The following FXN variants were observed in gnomAD, a reference collection of about 807,000 sequenced individuals.
The protein encoded by FXN is frataxin, mitochondrial.
In FXN, 14 loss-of-function variants were observed where a neutral mutation model predicts 22.4. The ratio of observed to expected loss-of-function variants is 0.62; its 90% CI spans 0.41 to 0.98. FXN has a LOEUF of 0.98. Ranked by LOEUF, FXN falls within the 50% of genes least tolerant of loss-of-function variation. The pLI is 0.00. For missense variants in FXN, 267 were observed against 268.4 expected, an observed-to-expected ratio of 0.99 and a Z score of 0.04; for synonymous variants, 120 against 114.1, an observed-to-expected ratio of 1.05 and a Z score of -0.33.
chr9:69,067,505 G>A (rs1033099672), intron 4 of FXN, among the ~76,000 whole-genome samples: 1 of 152,208 alleles, frequency 6.6e-6, no homozygotes, highest in South Asian at 2.1e-4. Context: ...CCGGACAGTG[G>A]CTGCCGAGCA....
In FXN at chr9:69,072,746, C is replaced by A. The variant is rs1289276430; in HGVS notation, c.617C>A (p.Ser206Tyr). 6.2e-7 allele frequency: 1 copy of A among 1,614,146 alleles called. No homozygotes were observed. The highest frequency in any genetic ancestry group is 1.1e-5 in the South Asian group (1 of 91,078). ...TKLDLSSLAYSGKDA is the reference protein window; with the variant it reads ...TKLDLSSLAYYGKDA ...CTGGACTTGTCTTCCTTGGCCTATT[C>A]CGGAAAAGATGCTTGATGCCCAGCC... Residue 206 changes from serine (S) to tyrosine (Y), a missense_variant, in exon 5 of 5, where the codon TCC becomes TAC. Transcript: ENST00000484259.
At chr9:69,050,190 A>G (rs1831825565) in intron 2 of FXN, among the ~76,000 whole-genome samples, 1 of 152,204 alleles carries the variant, frequency 6.6e-6, no homozygotes, top group Non-Finnish European at 1.5e-5. Context: ...TATCACAATG[A>G]TGTTTGTGAG....
rs912868150 is a variant in FXN at position 69,076,329 on chromosome 9, C to T, written c.*3567C>T. 3.0e-6 allele frequency: 3 copies of T among 984,906 alleles called. No individual in the cohort carries two copies. In the African/African-American group the frequency reaches 5.3e-5, roughly 17 times the overall value. 61.0% of individuals were successfully genotyped at this position (984,906 alleles called of 1,614,324 possible). ...TACTCAGTTCATGACAACTGTTGTT[C>T]TCACATGCATAGCATAATTTCATAT... On this transcript the variant is annotated 3_prime_UTR_variant, in exon 5 of 5. Coordinates refer to ENST00000484259, the MANE Select transcript of FXN (RefSeq NM_000144.5).
intron 1 of FXN, among the ~76,000 whole-genome samples, chr9:69,041,355 C>T (rs1276619561): frequency 1.3e-5 from 2 of 152,194 alleles, no homozygotes; most frequent in Admixed American, 6.5e-5. Context: ...TATTTGTTCT[C>T]ACTGCTGGAT....
intron 1 of FXN, 130 bp downstream of exon 1, chr9:69,036,077 T>C (rs2133087651): frequency 1.3e-6 from 1 of 799,156 alleles, no homozygotes; most frequent in Non-Finnish European, 1.6e-6. Flanking sequence ...ACCCCGCTCC[T>C]TCTCAGGGCG....
intron 2 of FXN, among the ~76,000 whole-genome samples, chr9:69,052,868 C>T (rs1454074810): frequency 3.3e-5 from 5 of 151,276 alleles, no homozygotes; most frequent in South Asian, 2.1e-4. Flanking sequence ...GGGCCGGGCA[C>T]GGTGCCTTAC....
At chr9:69,039,508 G>C (rs985995318) in intron 1 of FXN, among the ~76,000 whole-genome samples, 6 of 127,010 alleles carry the variant, frequency 4.7e-5, no homozygotes, top group Admixed American at 1.6e-4. Flanking sequence ...ACAGCCCCCA[G>C]CCCCAGCCTT....
At chr9:69,066,386 T>G (rs1832166132) in intron 4 of FXN, among the ~76,000 whole-genome samples, 1 of 152,228 alleles carries the variant, frequency 6.6e-6, no homozygotes, top group Non-Finnish European at 1.5e-5. Context: ...ATAAATAGTG[T>G]GTTTCCTTTC....
In FXN at chr9:69,075,846, A is replaced by C. The variant is rs1832356522; in HGVS notation, c.*3084A>C. On this transcript the variant is annotated 3_prime_UTR_variant, in exon 5 of 5. Coordinates refer to ENST00000484259, the MANE Select transcript of FXN (RefSeq NM_000144.5). ...CCCTGGGCTTGGGCAATCCTCCCAC[A>C]GGTGTGCACCTCCATAGCTGGCTAA... is the stretch of plus-strand genomic sequence containing the variant. 3.7e-6 allele frequency: 2 copies of C among 544,458 alleles called. No homozygotes were observed. Among genetic ancestry groups the C allele is most frequent in the African/African-American group, 4.1e-5 (2 of 48,346 alleles). The allele number at this position is 544,458 out of a possible 1,614,324, so 33.7% of individuals were successfully genotyped here.
At chr9:69,041,605 G>T (rs536688051) in intron 1 of FXN, among the ~76,000 whole-genome samples, 1 of 152,204 alleles carries the variant, frequency 6.6e-6, no homozygotes, top group Non-Finnish European at 1.5e-5. Context: ...CCCCTGCGAG[G>T]TATGGGTCCT....
Position 69,077,222 on chromosome 9 carries a change from T to G in FXN, c.*4460T>G, listed in dbSNP as rs1832387433. The G allele has an allele frequency of 1.0e-6, 1 of 985,296 alleles. No individual in the cohort carries two copies. The highest frequency in any genetic ancestry group is 1.2e-6 in the Non-Finnish European group (1 of 829,836). The allele number at this position is 985,296 out of a possible 1,614,324, so 61.0% of individuals were successfully genotyped here. On this transcript the variant is annotated 3_prime_UTR_variant, in exon 5 of 5. Coordinates refer to ENST00000484259, the MANE Select transcript of FXN (RefSeq NM_000144.5). ...CCACTGCACCCAGCCAGAAATGCCT[T>G]CTAATCTTTGGTTTATCTTAATTAG... is the stretch of plus-strand genomic sequence containing the variant.
At position 69,077,797 on chromosome 9, in the gene FXN, G is replaced by C. The variant is rs1263078482; in HGVS notation, c.*5035G>C. ...ATACAAAAATTAGCTGGCCGTAGTGGCGCACGCCTGTTATCCCAGCTACTC... is the reference window on the plus strand; with the variant it reads ...ATACAAAAATTAGCTGGCCGTAGTGCCGCACGCCTGTTATCCCAGCTACTC... On this transcript the variant is annotated 3_prime_UTR_variant, in exon 5 of 5. Coordinates refer to ENST00000484259, the MANE Select transcript of FXN (RefSeq NM_000144.5). 2 of 574,518 alleles carry C rather than the reference G, an allele frequency of 3.5e-6. No individual in the cohort carries two copies. The highest frequency in any genetic ancestry group is 4.4e-6 in the Non-Finnish European group (2 of 455,254). 35.6% of individuals were successfully genotyped at this position (574,518 alleles called of 1,614,324 possible). A position where few individuals can be genotyped will look rare whatever the true frequency, so the allele number is the denominator to read the frequency against.
At chr9:69,043,471 T>C (rs1204431732) in intron 1 of FXN, 1 of 152,190 alleles carries the variant, frequency 6.6e-6, no homozygotes, top group Non-Finnish European at 1.5e-5. Context: ...GCTGCTGGAG[T>C]GCAATGGTGT....
At position 69,035,817 on chromosome 9, in the gene FXN, T is replaced by C; in HGVS notation, c.35T>C (p.Leu12Pro). ...CTCGGGCGCCGCGCAGTAGCCGGCC[T>C]CCTGGCGTCACCCAGCCCAGCCCAG... ...WTLGRRAVAG[L>P]LASPSPAQAQ... The change falls in exon 1 of 5, where the codon CTC becomes CCC. Residue 12 changes from leucine (L) to proline (P), a missense_variant. Transcript: ENST00000484259. The C allele has an allele frequency of 6.6e-7, 1 of 1,512,198 alleles. No homozygotes were observed. The highest frequency in any genetic ancestry group is 8.8e-7 in the Non-Finnish European group (1 of 1,137,130). 93.7% of individuals were successfully genotyped at this position (1,512,198 alleles called of 1,614,324 possible).
chr9:69,059,304 G>A (rs1832021504), intron 3 of FXN, among the ~76,000 whole-genome samples: 2 of 147,914 alleles, frequency 1.4e-5, no homozygotes, highest in Non-Finnish European at 3.0e-5. Context: ...ATACTCAGGA[G>A]TACCATTCCA....
At chr9:69,063,732 G>A (rs1185736598) in intron 3 of FXN, among the ~76,000 whole-genome samples, 1 of 152,014 alleles carries the variant, frequency 6.6e-6, no homozygotes, top group Non-Finnish European at 1.5e-5. Context: ...CGCCCAGTCT[G>A]GTGTGTAGTG....
intron 3 of FXN, among the ~76,000 whole-genome samples, chr9:69,058,865 G>A (rs1261941010): frequency 1.3e-5 from 2 of 152,044 alleles, no homozygotes; most frequent in Non-Finnish European, 2.9e-5. Flanking sequence ...TCAGGAGATC[G>A]AGACCATCCT....
Position 69,074,221 on chromosome 9 carries a change from C to A in FXN, c.*1459C>A. ...ACAATATAATAATAATAATAGCCAT[C>A]CTTTATTGTACCCTTACTGGGTTAA... On this transcript the variant is annotated 3_prime_UTR_variant, in exon 5 of 5. Transcript: ENST00000484259. The A allele has an allele frequency of 2.1e-6, 2 of 949,058 alleles. No individual in the cohort carries two copies. The highest frequency in any genetic ancestry group is 2.5e-6 in the Non-Finnish European group (2 of 797,048). The allele number at this position is 949,058 out of a possible 1,614,324, so 58.8% of individuals were successfully genotyped here.
chr9:69,078,585 A>G lies in FXN; in HGVS notation c.*5823A>G. On this transcript the variant is annotated 3_prime_UTR_variant, in exon 5 of 5. Coordinates refer to ENST00000484259, the MANE Select transcript of FXN (RefSeq NM_000144.5). Reference sequence around the variant, plus strand: ...ATGTGCTTTTCTGACTGAACTGTTCAGGCACTGACTCTACATATAATTATG... The same window carrying G: ...ATGTGCTTTTCTGACTGAACTGTTCGGGCACTGACTCTACATATAATTATG... The G allele has an allele frequency of 7.1e-6, 7 of 985,688 alleles. No homozygotes were observed. The highest frequency in any genetic ancestry group is 8.4e-6 in the Non-Finnish European group (7 of 829,956). The allele number at this position is 985,688 out of a possible 1,614,324, so 61.1% of individuals were successfully genotyped here.
Sources: allele counts gnomAD v4.1 joint callset (sites outside exome capture counted in the v4.1 genomes callset), GRCh38; gene constraint gnomAD v4.1.1; transcripts MANE v1.5; gene names NCBI Gene and HGNC (gene_info 2026-07-23, HGNC 2026-07-21).